The following PDE1C variants were observed in gnomAD, a reference collection of about 807,000 sequenced individuals.
The protein encoded by PDE1C is dual specificity calcium/calmodulin-dependent 3',5'-cyclic nucleotide phosphodiesterase 1C.
PDE1C carries 62 observed loss-of-function variants against 93.1 expected under a neutral mutation model. That is an observed-to-expected ratio of 0.67 (90% confidence interval 0.54 to 0.82). The LOEUF (loss-of-function observed/expected upper bound fraction) is 0.82. Among genes scored for constraint, PDE1C ranks in the 40% least tolerant of loss-of-function variants. The pLI is 0.00. For synonymous variants in PDE1C, 325 were observed against 310.1 expected (o/e 1.05, Z -0.50); for missense variants, 742 against 884.6 (o/e 0.84, Z 2.04).
At chr7:31,683,772 C>T in the PDE1C span, among the ~76,000 whole-genome samples, 1 of 152,168 alleles carries the variant, frequency 6.6e-6, no homozygotes, top group Non-Finnish European at 1.5e-5. Context: ...TTTAAGAGAA[C>T]ATTTTATAGA....
At chr7:32,016,190 C>G (rs1408378340) in intron 2 of PDE1C, among the ~76,000 whole-genome samples, 1 of 152,224 alleles carries the variant, frequency 6.6e-6, no homozygotes, top group Non-Finnish European at 1.5e-5. Context: ...CAGGAGAAGT[C>G]ACGGAGCCAT....
At chr7:32,365,851 T>C (rs1784220591) in intron 1 of PDE1C, among the ~76,000 whole-genome samples, 1 of 151,976 alleles carries the variant, frequency 6.6e-6, no homozygotes, top group African/African-American at 2.4e-5. Flanking sequence ...ACACAGAGAT[T>C]ACACGACTGT....
intron 1 of PDE1C, among the ~76,000 whole-genome samples, chr7:32,222,692 G>A (rs1184064967): frequency 6.6e-6 from 1 of 152,106 alleles, no homozygotes; most frequent in Non-Finnish European, 1.5e-5. Flanking sequence ...CTCCAGGGTC[G>A]CATGAATGCC....
intron 17 of PDE1C, among the ~76,000 whole-genome samples, chr7:31,761,538 C>T (rs1794833062): frequency 6.6e-6 from 1 of 152,102 alleles, no homozygotes; most frequent in African/African-American, 2.4e-5. Flanking sequence ...GGAATATTAA[C>T]AAGTATTCCA....
chr7:31,947,054 T>C (rs1806717544), intron 2 of PDE1C, among the ~76,000 whole-genome samples: 1 of 152,336 alleles, frequency 6.6e-6, no homozygotes. Flanking sequence ...GTCTTTGTTT[T>C]TGTCTCACTT....
chr7:31,726,219 C>A, the PDE1C span, among the ~76,000 whole-genome samples: 1 of 148,948 alleles, frequency 6.7e-6, no homozygotes, highest in East Asian at 2.1e-4. Context: ...CAGGTGTGCA[C>A]CAACATGATC....
chr7:31,634,557 T>C, the PDE1C span, among the ~76,000 whole-genome samples: 1 of 152,108 alleles, frequency 6.6e-6, no homozygotes, highest in African/African-American at 2.4e-5. Flanking sequence ...CAGACTCCAG[T>C]AGAGCAGGCT....
chr7:31,928,195 T>C (rs949360122), intron 2 of PDE1C, among the ~76,000 whole-genome samples: 1 of 151,778 alleles, frequency 6.6e-6, no homozygotes, highest in African/African-American at 2.4e-5. Flanking sequence ...TATCAGAGAT[T>C]GAATATCAAC....
At chr7:32,415,617 C>T (rs963778981) in intron 1 of PDE1C, among the ~76,000 whole-genome samples, 5 of 152,082 alleles carry the variant, frequency 3.3e-5, no homozygotes, top group South Asian at 2.1e-4. Flanking sequence ...CCCTCCTCAC[C>T]GGCTTCTCTT....
chr7:32,298,956 C>A, exon 1 of PDE1C: 1 of 1,310,554 alleles, frequency 7.6e-7, no homozygotes, highest in Non-Finnish European at 9.7e-7. Context: ...GAGGCAGGAG[C>A]CGTCGCGACT....
chr7:32,200,042 G>A (rs867663113), intron 2 of PDE1C, among the ~76,000 whole-genome samples: 3 of 152,188 alleles, frequency 2.0e-5, no homozygotes, highest in Admixed American at 6.5e-5. Flanking sequence ...ATCCCATTAC[G>A]CATACACAAA....
intron 7 of PDE1C, among the ~76,000 whole-genome samples, chr7:31,864,498 T>G (rs936202375): frequency 6.6e-6 from 1 of 152,190 alleles, no homozygotes; most frequent in African/African-American, 2.4e-5. Flanking sequence ...AAATAGGATG[T>G]GAATAACTAT....
intron 3 of PDE1C, among the ~76,000 whole-genome samples, chr7:32,111,728 C>A (rs1318378947): frequency 6.6e-6 from 1 of 152,164 alleles, no homozygotes; most frequent in Non-Finnish European, 1.5e-5. Context: ...TGAAGGTGTA[C>A]CCCTACTATG....
chr7:31,837,379 T>A, intron 10 of PDE1C, 79 bp from the exon 11 acceptor site: 1 of 1,343,882 alleles, frequency 7.4e-7, no homozygotes, highest in Admixed American at 2.6e-5. Flanking sequence ...AATCATTAAG[T>A]TTTTAATCTC....
chr7:31,628,014 A>T, the PDE1C span, among the ~76,000 whole-genome samples: 1 of 152,192 alleles, frequency 6.6e-6, no homozygotes, highest in East Asian at 1.9e-4. Context: ...AAGCACCTCA[A>T]GGTTAATAAG....
chr7:32,238,077 A>G (rs933437587), intron 1 of PDE1C, among the ~76,000 whole-genome samples: 5 of 152,140 alleles, frequency 3.3e-5, no homozygotes, highest in African/African-American at 4.8e-5. Flanking sequence ...GCCAAAGGTT[A>G]TAAGTTTTAC....
the PDE1C span, among the ~76,000 whole-genome samples, chr7:31,657,147 T>A: frequency 6.5e-3 from 1 of 154 alleles, no homozygotes; most frequent in East Asian, 0.5. Flanking sequence ...TAATCATATA[T>A]AAAATATGAT....
chr7:31,769,988 G>A (rs2128621416), intron 17 of PDE1C, among the ~76,000 whole-genome samples: 1 of 152,274 alleles, frequency 6.6e-6, no homozygotes, highest in Admixed American at 6.5e-5. Context: ...GCCAAACTGT[G>A]TTCTAAAGTG....
the PDE1C span, among the ~76,000 whole-genome samples, chr7:31,628,963 G>T: frequency 6.6e-6 from 1 of 152,094 alleles, no homozygotes; most frequent in Non-Finnish European, 1.5e-5. Context: ...AAAACATTTG[G>T]ACTGGTTATC....
Sources: allele counts gnomAD v4.1 joint callset (sites outside exome capture counted in the v4.1 genomes callset), GRCh38; gene constraint gnomAD v4.1.1; transcripts MANE v1.5; gene names NCBI Gene and HGNC (gene_info 2026-07-23, HGNC 2026-07-21).